The following FGD4 variants were observed in gnomAD, a reference collection of about 807,000 sequenced individuals.
FGD4 encodes FYVE, RhoGEF and PH domain-containing protein 4.
Under a neutral mutation model 102.0 loss-of-function variants are expected in FGD4, and 42 were observed. That is an observed-to-expected ratio of 0.41 (90% CI 0.32 to 0.53). FGD4 has a LOEUF of 0.53. Ranked by LOEUF, FGD4 falls within the 20% of genes least tolerant of loss-of-function variation. The pLI is 0.21. For missense variants in FGD4, 902 were observed against 1,078.2 expected, an observed-to-expected ratio of 0.84 and a Z score of 2.29; for synonymous variants, 380 against 375.7, an observed-to-expected ratio of 1.01 and a Z score of -0.13.
chr12:32,410,998 T>C (rs11051991), intron 1 of FGD4, among the ~76,000 whole-genome samples: 26,513 of 148,602 alleles, frequency 0.18, 2,922 homozygotes, highest in East Asian at 0.28. Context: ...TGGTGAGATA[T>C]CGGATCACTG....
rs1460177948 is a variant in FGD4, at chr12:32,485,891, A to G, written c.167-78246A>G. ...TTTGAAACACCTTCGTGGAATTTTG[A>G]AATGCGTTGCTTGCGTAGTTCCTTG... is the stretch of plus-strand genomic sequence containing the variant. On this transcript the variant is annotated intron_variant, in intron 1 of 16. Transcript: ENST00000534526. The G allele has an allele frequency of 3.2e-6, 4 of 1,247,278 alleles. No individual in the cohort carries two copies. The African/African-American group carries it at 4.6e-5, about 14-fold the overall frequency. The allele number at this position is 1,247,278 out of a possible 1,614,324, so 77.3% of individuals were successfully genotyped here.
At chr12:32,636,167 T>C (rs986760073) in intron 15 of FGD4, among the ~76,000 whole-genome samples, 2 of 152,108 alleles carry the variant, frequency 1.3e-5, no homozygotes, top group African/African-American at 4.8e-5. Context: ...ACACCCTGGC[T>C]CATGGGCCAT....
intron 1 of FGD4, among the ~76,000 whole-genome samples, chr12:32,429,518 G>C (rs1040644993): frequency 6.6e-6 from 1 of 152,372 alleles, no homozygotes; most frequent in Middle Eastern, 3.4e-3. Flanking sequence ...GGACCCATTT[G>C]AGGAGGCAGT....
chr12:32,595,421 A>G (rs1947816481), intron 4 of FGD4, among the ~76,000 whole-genome samples: 2 of 152,174 alleles, frequency 1.3e-5, no homozygotes, highest in African/African-American at 4.8e-5. Context: ...ATCGTTGCTC[A>G]TAGCACTTAA....
chr12:32,628,539 C>T (rs565531759), intron 14 of FGD4, among the ~76,000 whole-genome samples: 1 of 152,096 alleles, frequency 6.6e-6, no homozygotes, highest in Non-Finnish European at 1.5e-5. Context: ...TGGCTTACAC[C>T]TGTAATCCCA....
At chr12:32,593,802 A>C (rs557122873) in intron 4 of FGD4, among the ~76,000 whole-genome samples, 34 of 152,244 alleles carry the variant, frequency 2.2e-4, no homozygotes, top group Non-Finnish European at 4.3e-4. Flanking sequence ...ATCAGAACAT[A>C]GGATATGAGT....
At chr12:32,513,240 A>G (rs1440444861) in intron 1 of FGD4, among the ~76,000 whole-genome samples, 2 of 152,242 alleles carry the variant, frequency 1.3e-5, no homozygotes, top group African/African-American at 2.4e-5. Context: ...GGCATTTCAT[A>G]TCAAGGGAAC....
intron 5 of FGD4, among the ~76,000 whole-genome samples, chr12:32,600,207 A>G (rs1948282434): frequency 6.6e-6 from 1 of 152,242 alleles, no homozygotes; most frequent in African/African-American, 2.4e-5. Flanking sequence ...TTTCTTCCTT[A>G]TGGGAATTAC....
Position 32,555,569 on chromosome 12 carries a change from CTTTTTTTTTT to C in FGD4, c.167-8558_167-8549del, listed in dbSNP as rs776546962. 1.3e-4 allele frequency among the ~76,000 whole-genome samples: 16 copies of C among 118,758 alleles called. 1 individual carries two copies. The highest frequency in any genetic ancestry group is 1.2e-4 in the Non-Finnish European group (7 of 56,534). The allele number at this position is 118,758 out of a possible 152,430, so 77.9% of individuals were successfully genotyped here. ...AATATTTAATTTTAAGAGACAAGGT[CTTTTTTTTTT>C]TTTTTTTTTCGAGATGGAGTCTCGC... On this transcript the variant is annotated intron_variant, in intron 1 of 16. Coordinates refer to ENST00000534526, the MANE Select transcript of FGD4 (RefSeq NM_001370298.3).
intron 1 of FGD4, among the ~76,000 whole-genome samples, chr12:32,547,895 G>C (rs561843809): frequency 6.6e-6 from 1 of 151,960 alleles, no homozygotes; most frequent in African/African-American, 2.4e-5. Flanking sequence ...TAGTAGAGAC[G>C]GGGTTTTACC....
At chr12:32,527,064 A>G (rs1380555534) in intron 1 of FGD4, among the ~76,000 whole-genome samples, 1 of 152,194 alleles carries the variant, frequency 6.6e-6, no homozygotes, top group African/African-American at 2.4e-5. Context: ...TGGAAGGTAA[A>G]GTTTTCGGTA....
At chr12:32,607,653 T>C (rs1948867542) in intron 7 of FGD4, among the ~76,000 whole-genome samples, 1 of 152,200 alleles carries the variant, frequency 6.6e-6, no homozygotes, top group Non-Finnish European at 1.5e-5. Flanking sequence ...TAGCTGGGAC[T>C]ACAGGCGTGT....
intron 8 of FGD4, 123 bp from the exon 9 acceptor site, chr12:32,610,653 A>G (rs932146314): frequency 1.2e-4 from 103 of 824,900 alleles, no homozygotes; most frequent in Middle Eastern, 1.1e-3. Flanking sequence ...TTATAAATGG[A>G]AAATGCCACT....
At chr12:32,607,642 A>G (rs950466384) in intron 7 of FGD4, among the ~76,000 whole-genome samples, 4 of 152,126 alleles carry the variant, frequency 2.6e-5, no homozygotes, top group African/African-American at 9.7e-5. Flanking sequence ...CAGCCTCCGC[A>G]TAGCTGGGAC....
chr12:32,457,986 A>G (rs1942990868), intron 1 of FGD4, among the ~76,000 whole-genome samples: 2 of 150,328 alleles, frequency 1.3e-5, no homozygotes, highest in African/African-American at 4.9e-5. Context: ...TTCCTCATTT[A>G]TGATTTTTCA....
rs1951190066 is a variant in FGD4 at position 32,642,293 on chromosome 12, C to A, written c.*1760C>A. 1 of 151,904 alleles carries A rather than the reference C, an allele frequency of 6.6e-6. No individual in the cohort carries two copies. The highest frequency in any genetic ancestry group is 2.1e-4 in the South Asian group (1 of 4,814). 9.4% of individuals were successfully genotyped at this position (151,904 alleles called of 1,614,324 possible). On this transcript the variant is annotated 3_prime_UTR_variant, in exon 17 of 17. Coordinates refer to ENST00000534526, the MANE Select transcript of FGD4 (RefSeq NM_001370298.3). ...TTACATTGCTTCTCTTTTTTAATGG[C>A]CAGCGGGGTATGTGTGTGATGTATA...
intron 1 of FGD4, among the ~76,000 whole-genome samples, chr12:32,560,172 C>T (rs140767666): frequency 0.024 from 3,640 of 152,256 alleles, 59 homozygotes; most frequent in Middle Eastern, 0.037. Flanking sequence ...ATATACTTTG[C>T]CTATTTCACA....
intron 4 of FGD4, among the ~76,000 whole-genome samples, chr12:32,590,769 C>T (rs1273828303): frequency 1.3e-5 from 2 of 152,170 alleles, no homozygotes; most frequent in Admixed American, 6.5e-5. Context: ...GAATAGTGCA[C>T]GTAGTAAGTA....
intron 15 of FGD4, chr12:32,637,614 T>TAAATAAAA (rs1383679174): frequency 6.6e-6 from 1 of 151,844 alleles, no homozygotes; most frequent in Non-Finnish European, 1.5e-5. Context: ...AATAAATAAA[T>TAAATAAAA]AAATAAATAA....
Sources: allele counts gnomAD v4.1 joint callset (sites outside exome capture counted in the v4.1 genomes callset), GRCh38; gene constraint gnomAD v4.1.1; transcripts MANE v1.5; gene names NCBI Gene and HGNC (gene_info 2026-07-23, HGNC 2026-07-21).